C2orf66: variants seen among roughly 807,000 people sequenced by gnomAD.
The protein encoded by C2orf66 is chromosome 2 open reading frame 66, also known as uncharacterized protein C2orf66.
C2orf66 carries 6 observed loss-of-function variants against 7.0 expected under a neutral mutation model. That is an observed-to-expected ratio of 0.86 (90% CI 0.47 to 1.69). C2orf66 has a LOEUF of 1.69. C2orf66 is among the 40% of genes most tolerant of loss of function. The pLI is 0.01. For synonymous variants in C2orf66, 38 were observed against 43.8 expected, an observed-to-expected ratio of 0.87 and a Z score of 0.52; for missense variants, 107 against 112.0, an observed-to-expected ratio of 0.96 and a Z score of 0.20.
At chr2:196,830,324 C>G in the C2orf66 span, among the ~76,000 whole-genome samples, 6 of 152,198 alleles carry the variant, frequency 3.9e-5, no homozygotes, top group Admixed American at 1.3e-4. Flanking sequence ...CAGTTTAAAT[C>G]ATTCTCATTC....
At chr2:196,809,405 G>C, upstream of C2orf66, 1 of 1,595,776 alleles carries the variant, frequency 6.3e-7, no homozygotes, top group South Asian at 1.1e-5. Context: ...GATAGTCAGG[G>C]AAGAGAGAGA....
the C2orf66 span, chr2:196,831,969 A>C: frequency 2.6e-5 from 4 of 152,172 alleles, no homozygotes; most frequent in Non-Finnish European, 5.9e-5. Flanking sequence ...TTACATTTGC[A>C]GGCTGGCTGC....
At chr2:196,811,476 G>A (rs1699875973), upstream of C2orf66, among the ~76,000 whole-genome samples, 1 of 151,754 alleles carries the variant, frequency 6.6e-6, no homozygotes, top group South Asian at 2.1e-4. Context: ...ATTTATAAGG[G>A]ATTGTTAATG....
rs1451137434 is a variant in C2orf66, at chr2:196,805,321, G to A, written c.*107C>T. 6.6e-6 allele frequency: 1 copy of A among 152,062 alleles called. No individual in the cohort carries two copies. The highest frequency in any genetic ancestry group is 1.5e-5 in the Non-Finnish European group (1 of 67,992). 9.4% of individuals were successfully genotyped at this position (152,062 alleles called of 1,614,324 possible). A position where few individuals can be genotyped will look rare whatever the true frequency, so the allele number is the denominator to read the frequency against. On this transcript the variant is annotated 3_prime_UTR_variant, in exon 3 of 3. Coordinates refer to ENST00000342506, the MANE Select transcript of C2orf66 (RefSeq NM_213608.3). ...CAAACTGAAAAATAAAAGTGAGGGG[G>A]AAAGAAACTCCATGAAAGTTTAGCT...
rs754542246 is a variant in C2orf66, at chr2:196,809,209, C to G, written c.123+5G>C. The stretch of plus-strand genomic sequence containing the variant: ...CTGAAACCCAGGCCCCAAGTGTGTT[C>G]TTACCAGATCTCTGTTTCTGGGGTT... On this transcript the variant is annotated splice_donor_5th_base_variant and intron_variant, in intron 1 of 2. Transcript: ENST00000342506. 2.2e-5 allele frequency: 35 copies of G among 1,613,532 alleles called. No homozygotes were observed. The highest frequency in any genetic ancestry group is 2.8e-5 in the Non-Finnish European group (33 of 1,179,686).
chr2:196,825,125 T>C, the C2orf66 span, among the ~76,000 whole-genome samples: 4 of 149,598 alleles, frequency 2.7e-5, no homozygotes, highest in Non-Finnish European at 4.4e-5. Context: ...TCCCAGCTAC[T>C]CAGGAGGCTG....
chr2:196,820,240 CTTATTTAT>C, the C2orf66 span, among the ~76,000 whole-genome samples: 1 of 152,044 alleles, frequency 6.6e-6, no homozygotes, highest in Non-Finnish European at 1.5e-5. Context: ...CAAAGCAGTT[CTTATTTAT>C]TTATTTATTT....
chr2:196,815,846 G>A, the C2orf66 span, among the ~76,000 whole-genome samples: 1 of 152,060 alleles, frequency 6.6e-6, no homozygotes, highest in Admixed American at 6.5e-5. Flanking sequence ...GATACAGCTC[G>A]TTAGCTGTAT....
the C2orf66 span, among the ~76,000 whole-genome samples, chr2:196,826,835 A>G: frequency 6.6e-6 from 1 of 152,124 alleles, no homozygotes; most frequent in Non-Finnish European, 1.5e-5. Context: ...GATCGAGACC[A>G]TCCTGGCTAA....
chr2:196,823,347 G>C, the C2orf66 span, among the ~76,000 whole-genome samples: 5 of 152,166 alleles, frequency 3.3e-5, no homozygotes, highest in Non-Finnish European at 7.3e-5. Flanking sequence ...TAGGGGCTGG[G>C]CATAGTGGCT....
chr2:196,816,010 G>A, the C2orf66 span, among the ~76,000 whole-genome samples: 1 of 152,364 alleles, frequency 6.6e-6, no homozygotes, highest in East Asian at 1.9e-4. Flanking sequence ...AGGCCGGGCA[G>A]CTTTCTGCTC....
At chr2:196,815,711 C>A in the C2orf66 span, among the ~76,000 whole-genome samples, 1 of 152,160 alleles carries the variant, frequency 6.6e-6, no homozygotes, top group Non-Finnish European at 1.5e-5. Flanking sequence ...TAAATGCAAA[C>A]ATAGGCTAAT....
chr2:196,804,948 G>C lies in C2orf66; in HGVS notation c.*480C>G, dbSNP rs999091357. Reference sequence around the variant, plus strand: ...TATTTTGGTAGTGTATGCTGAACATGGGAATGCATCTTCTTTTTAGGAAAG... The same window carrying C: ...TATTTTGGTAGTGTATGCTGAACATCGGAATGCATCTTCTTTTTAGGAAAG... On this transcript the variant is annotated 3_prime_UTR_variant, in exon 3 of 3. Transcript: ENST00000342506. 1 of 152,098 alleles carries C rather than the reference G, an allele frequency of 6.6e-6. No homozygotes were observed. The highest frequency in any genetic ancestry group is 2.4e-5 in the African/African-American group (1 of 41,400). The allele number at this position is 152,098 out of a possible 1,614,324, so 9.4% of individuals were successfully genotyped here.
the C2orf66 span, among the ~76,000 whole-genome samples, chr2:196,830,375 G>A: frequency 6.6e-6 from 1 of 152,144 alleles, no homozygotes; most frequent in Non-Finnish European, 1.5e-5. Context: ...TGAGAAACAT[G>A]CTCAGCCGTC....
At chr2:196,809,395 G>A (rs1461666816), upstream of C2orf66, 3 of 1,603,684 alleles carry the variant, frequency 1.9e-6, no homozygotes, top group Non-Finnish European at 2.6e-6. Context: ...CATTGAGAGA[G>A]ATAGTCAGGG....
upstream of C2orf66, among the ~76,000 whole-genome samples, chr2:196,810,718 C>T (rs1006624337): frequency 6.6e-6 from 1 of 152,158 alleles, no homozygotes; most frequent in African/African-American, 2.4e-5. Flanking sequence ...GCCATCTTGA[C>T]CCTGGGCAAG....
the C2orf66 span, among the ~76,000 whole-genome samples, chr2:196,828,485 T>A: frequency 6.6e-6 from 1 of 152,146 alleles, no homozygotes; most frequent in African/African-American, 2.4e-5. Context: ...TCCCCAAGGT[T>A]TTCACCCTCT....
At chr2:196,819,958 A>G in the C2orf66 span, among the ~76,000 whole-genome samples, 1 of 152,206 alleles carries the variant, frequency 6.6e-6, no homozygotes, top group South Asian at 2.1e-4. Flanking sequence ...TATCTCTTGC[A>G]CACAAACCAA....
the C2orf66 span, among the ~76,000 whole-genome samples, chr2:196,817,121 G>A: frequency 1.3e-5 from 2 of 151,752 alleles, no homozygotes; most frequent in African/African-American, 4.8e-5. Flanking sequence ...ATAGGACAAG[G>A]GCAAAATCAG....
Sources: gnomAD v4.1 joint callset for allele counts (sites outside exome capture counted in the v4.1 genomes callset) on GRCh38, gnomAD v4.1.1 for gene constraint, MANE v1.5 for transcripts, NCBI Gene and HGNC (gene_info 2026-07-23, HGNC 2026-07-21) for gene names.